Variants in TMEM182 observed in about 807,000 individuals in gnomAD.
TMEM182 encodes the protein transmembrane protein 182.
A neutral mutation model predicts 26.8 loss-of-function variants in TMEM182; 20 were observed. The ratio of observed to expected loss-of-function variants is 0.75; its 90% CI spans 0.53 to 1.09. The LOEUF (loss-of-function observed/expected upper bound fraction) is 1.09. TMEM182 is among the 50% of genes least tolerant of loss of function. The pLI is 0.00. For synonymous variants in TMEM182, 109 were observed against 102.2 expected, an observed-to-expected ratio of 1.07 and a Z score of -0.40; for missense variants, 277 against 275.5, an observed-to-expected ratio of 1.01 and a Z score of -0.04.
chr2:102,829,203 G>T (rs1007288558), intron 3 of TMEM182, among the ~76,000 whole-genome samples: 1 of 152,182 alleles, frequency 6.6e-6, no homozygotes, highest in Non-Finnish European at 1.5e-5. Context: ...TATTTCGACA[G>T]TGATGGGCTA....
At chr2:102,793,011 C>G (rs1681713922) in intron 3 of TMEM182, among the ~76,000 whole-genome samples, 2 of 150,790 alleles carry the variant, frequency 1.3e-5, no homozygotes. Flanking sequence ...CCTTGACGCT[C>G]CTGCTGCTTC....
intron 3 of TMEM182, among the ~76,000 whole-genome samples, chr2:102,842,611 C>A (rs1440581327): frequency 1.3e-5 from 2 of 152,194 alleles, no homozygotes. Flanking sequence ...ACATCTCTGA[C>A]CTCAAGTTAG....
intron 4 of TMEM182, among the ~76,000 whole-genome samples, chr2:102,799,732 G>A (rs563536495): frequency 2.1e-4 from 32 of 152,274 alleles, no homozygotes; most frequent in East Asian, 1.9e-3. Context: ...AGGTAGGTCC[G>A]GTCAATTCCT....
chr2:102,821,914 G>A (rs957688945), downstream of TMEM182, among the ~76,000 whole-genome samples: 2 of 151,688 alleles, frequency 1.3e-5, no homozygotes, highest in African/African-American at 2.4e-5. Flanking sequence ...CGTGAACCCG[G>A]GAGGCAGAGC....
intron 4 of TMEM182, among the ~76,000 whole-genome samples, chr2:102,808,750 A>G (rs1277319575): frequency 6.6e-6 from 1 of 152,208 alleles, no homozygotes; most frequent in African/African-American, 2.4e-5. Context: ...GCTCAGCAAT[A>G]AAAAGGAATG....
At chr2:102,818,326 T>A (rs1682819278), downstream of TMEM182, among the ~76,000 whole-genome samples, 2 of 152,150 alleles carry the variant, frequency 1.3e-5, no homozygotes, top group Non-Finnish European at 2.9e-5. Flanking sequence ...CTTAGATATG[T>A]TGAAAACCAA....
In TMEM182 at chr2:102,815,359, A is replaced by C; in HGVS notation, c.*391A>C. On this transcript the variant is annotated 3_prime_UTR_variant, in exon 5 of 5. Coordinates refer to ENST00000412401, the MANE Select transcript of TMEM182 (RefSeq NM_144632.5). ...GCTAATTAAAAAAAATCCTTGAAGA[A>C]TAATTAAGAATGGGCAAGGTTGTCA... 2 of 1,000,046 alleles carry C rather than the reference A, an allele frequency of 2.0e-6. No homozygotes were observed. The highest frequency in any genetic ancestry group is 2.4e-6 in the Non-Finnish European group (2 of 839,686). The allele number at this position is 1,000,046 out of a possible 1,614,324, so 61.9% of individuals were successfully genotyped here. A position where few individuals can be genotyped will look rare whatever the true frequency, so the allele number is the denominator to read the frequency against.
chr2:102,823,560 C>T (rs1682969064), intron 3 of TMEM182, among the ~76,000 whole-genome samples: 1 of 152,074 alleles, frequency 6.6e-6, no homozygotes, highest in Admixed American at 6.5e-5. Flanking sequence ...GTCTCAAACT[C>T]CTGACCTCGT....
intron 3 of TMEM182, among the ~76,000 whole-genome samples, chr2:102,788,875 A>AGCACTGGAC (rs1681515828): frequency 6.6e-6 from 1 of 152,188 alleles, no homozygotes; most frequent in African/African-American, 2.4e-5. Context: ...GGCCACGCTG[A>AGCACTGGAC]GCACTGGACT....
rs752813808 is a variant in TMEM182 at position 102,790,173 on chromosome 2, G to A, written c.332-7690G>A. ...TCTGGCAGTTTTTGGTGCCTTGCAC[G>A]TAGAAAGCCCTCAGCATATGTTTGC... On this transcript the variant is annotated intron_variant, in intron 3 of 4. Transcript: ENST00000412401. Among the ~76,000 whole-genome samples, 9 of 152,326 alleles carry A rather than the reference G, an allele frequency of 5.9e-5. No individual in the cohort carries two copies. The East Asian group carries it at 1.2e-3, about 20-fold the overall frequency.
chr2:102,836,696 A>T (rs1405471657), intron 3 of TMEM182, among the ~76,000 whole-genome samples: 3 of 152,126 alleles, frequency 2.0e-5, no homozygotes, highest in Non-Finnish European at 4.4e-5. Context: ...TGCTTTTATG[A>T]AGGAGGGCCT....
At chr2:102,805,626 CT>C (rs1437059970) in intron 4 of TMEM182, among the ~76,000 whole-genome samples, 2 of 151,972 alleles carry the variant, frequency 1.3e-5, no homozygotes, top group African/African-American at 4.8e-5. Context: ...AAAAAATGTG[CT>C]GTTCTTCTAA....
Position 102,815,584 on chromosome 2 carries a change from CCT to C in TMEM182, c.*617_*618del. ...TTTTTCACCAACAGTGGTTTGGTTA[CCT>C]AGTTTTATTCACTTAATTGTGCATG... On this transcript the variant is annotated 3_prime_UTR_variant, in exon 5 of 5. Transcript: ENST00000412401. 1.0e-6 allele frequency: 1 copy of C among 985,460 alleles called. No individual in the cohort carries two copies. The highest frequency in any genetic ancestry group is 4.7e-5 in the South Asian group (1 of 21,290). 61.0% of individuals were successfully genotyped at this position (985,460 alleles called of 1,614,324 possible). A position where few individuals can be genotyped will look rare whatever the true frequency, so the allele number is the denominator to read the frequency against.
At chr2:102,804,742 G>A (rs929346835) in intron 4 of TMEM182, among the ~76,000 whole-genome samples, 48 of 151,048 alleles carry the variant, frequency 3.2e-4, no homozygotes, top group African/African-American at 1.1e-3. Context: ...GTTGGTGGTG[G>A]AAAAAAAAAG....
intron 4 of TMEM182, among the ~76,000 whole-genome samples, chr2:102,801,936 A>G (rs1156860589): frequency 2.0e-5 from 3 of 152,092 alleles, no homozygotes; most frequent in Non-Finnish European, 4.4e-5. Context: ...TTGTTTGTGT[A>G]TGACCATTTG....
rs193083338 is a variant in TMEM182 at position 102,798,332 on chromosome 2, T to G, written c.469+332T>G. On this transcript the variant is annotated intron_variant, in intron 4 of 4. Transcript: ENST00000412401. ...TCTGTCACTGACTCACTCCAAGGTG[T>G]GTAAGAGACTGTTAACCTCTTACCC... Among the ~76,000 whole-genome samples, 20 of 152,232 alleles carry G rather than the reference T, an allele frequency of 1.3e-4. 1 individual carries two copies. Among genetic ancestry groups the G allele is most frequent in the Admixed American group, 9.8e-4 (15 of 15,294 alleles).
chr2:102,766,404 T>G (rs1463810968), intron 3 of TMEM182, among the ~76,000 whole-genome samples: 1 of 152,216 alleles, frequency 6.6e-6, no homozygotes, highest in African/African-American at 2.4e-5. Context: ...AATTCCTCAT[T>G]GGCACACGTA....
chr2:102,778,889 A>C (rs1363047539), intron 3 of TMEM182, among the ~76,000 whole-genome samples: 1 of 152,142 alleles, frequency 6.6e-6, no homozygotes, highest in Non-Finnish European at 1.5e-5. Context: ...AAAACTTAGG[A>C]GGAAGAATAT....
At chr2:102,794,540 T>C (rs1681787429) in intron 3 of TMEM182, among the ~76,000 whole-genome samples, 1 of 152,232 alleles carries the variant, frequency 6.6e-6, no homozygotes, top group African/African-American at 2.4e-5. Flanking sequence ...GGCTTCACCC[T>C]ACCCTTCTTT....
Sources: gnomAD v4.1 joint callset for allele counts (sites outside exome capture counted in the v4.1 genomes callset) on GRCh38, gnomAD v4.1.1 for gene constraint, MANE v1.5 for transcripts, NCBI Gene and HGNC (gene_info 2026-07-23, HGNC 2026-07-21) for gene names.